The following KATNAL2 variants were observed in gnomAD, a reference collection of about 807,000 sequenced individuals.
KATNAL2 encodes katanin p60 ATPase-containing subunit A-like 2.
KATNAL2 carries 52 observed loss-of-function variants against 76.3 expected under a neutral mutation model. The ratio of observed to expected loss-of-function variants is 0.68; its 90% confidence interval spans 0.55 to 0.86. KATNAL2 has a LOEUF of 0.86. Ranked by LOEUF, KATNAL2 falls within the 40% of genes least tolerant of loss-of-function variation. The pLI, the probability that KATNAL2 is intolerant of heterozygous loss-of-function variation, is 0.00. For synonymous variants in KATNAL2, 243 were observed against 244.2 expected (o/e 1.00, Z 0.05); for missense variants, 660 against 668.9 (o/e 0.99, Z 0.15).
chr18:47,061,314 A>C (rs2061624811), intron 8 of KATNAL2, among the ~76,000 whole-genome samples: 1 of 152,190 alleles, frequency 6.6e-6, no homozygotes, highest in African/African-American at 2.4e-5. Context: ...GCTTTTACTC[A>C]TGGCGGAAGG....
intron 3 of KATNAL2, among the ~76,000 whole-genome samples, chr18:47,031,361 C>G (rs1184412304): frequency 6.6e-6 from 1 of 151,820 alleles, no homozygotes; most frequent in Non-Finnish European, 1.5e-5. Flanking sequence ...TTTCTGCTGT[C>G]GTTGGCAGTT....
chr18:47,079,372 T>C (rs2062399157), intron 15 of KATNAL2, among the ~76,000 whole-genome samples: 1 of 152,102 alleles, frequency 6.6e-6, no homozygotes, highest in Non-Finnish European at 1.5e-5. Context: ...TTAAGTCTCT[T>C]AATCTAGAAC....
chr18:47,059,787 T>C, intron 8 of KATNAL2, 133 bp downstream of exon 8: 5 of 651,022 alleles, frequency 7.7e-6, no homozygotes, highest in Non-Finnish European at 1.3e-5. Flanking sequence ...GTGAGGTAAA[T>C]GGAGAAGAGC....
At chr18:47,089,108 T>A (rs2062894624) in intron 15 of KATNAL2, among the ~76,000 whole-genome samples, 1 of 152,206 alleles carries the variant, frequency 6.6e-6, no homozygotes, top group Non-Finnish European at 1.5e-5. Context: ...TATGCCATTC[T>A]ACATGTTGCC....
At chr18:47,065,162 A>C (rs2061751594) in intron 10 of KATNAL2, among the ~76,000 whole-genome samples, 1 of 152,178 alleles carries the variant, frequency 6.6e-6, no homozygotes, top group Non-Finnish European at 1.5e-5. Flanking sequence ...AAGTACTTTT[A>C]TAAATACTTT....
intron 15 of KATNAL2, among the ~76,000 whole-genome samples, chr18:47,087,928 T>C (rs186521401): frequency 5.9e-5 from 9 of 152,322 alleles, no homozygotes; most frequent in Non-Finnish European, 1.2e-4. Context: ...CCATTGTATG[T>C]GTGTACCATA....
intron 3 of KATNAL2, among the ~76,000 whole-genome samples, chr18:46,955,140 CTCTTTCTTTCTTTCTT>C (rs71162828): frequency 1.8e-4 from 15 of 85,074 alleles, no homozygotes; most frequent in Admixed American, 4.2e-4. Context: ...CTTTCTCTCT[CTCTTTCTTTCTTTCTT>C]TCTTTCTTTC....
At chr18:46,938,021 G>A (rs1383295748) in intron 1 of KATNAL2, among the ~76,000 whole-genome samples, 1 of 151,958 alleles carries the variant, frequency 6.6e-6, no homozygotes, top group Admixed American at 6.6e-5. Context: ...ACTTGAGCCT[G>A]GAAAGTTGAG....
chr18:47,058,555 T>G (rs1180663654), intron 7 of KATNAL2, among the ~76,000 whole-genome samples: 1 of 151,916 alleles, frequency 6.6e-6, no homozygotes, highest in East Asian at 1.9e-4. Flanking sequence ...TTAACTTGAG[T>G]GGGAGGACTT....
chr18:47,083,551 G>A (rs560718818), intron 15 of KATNAL2, among the ~76,000 whole-genome samples: 43 of 152,274 alleles, frequency 2.8e-4, no homozygotes, highest in Non-Finnish European at 5.7e-4. Flanking sequence ...AGTGACAGGT[G>A]TGCAGCCTTT....
chr18:46,948,360 C>T (rs9967390), intron 3 of KATNAL2, among the ~76,000 whole-genome samples: 1 of 151,682 alleles, frequency 6.6e-6, no homozygotes, highest in Non-Finnish European at 1.5e-5. Context: ...AATCTTCCCC[C>T]CTCAGCCTCC....
intron 4 of KATNAL2, among the ~76,000 whole-genome samples, chr18:47,047,730 T>C (rs751956176): frequency 1.3e-5 from 2 of 152,182 alleles, no homozygotes; most frequent in Non-Finnish European, 2.9e-5. Flanking sequence ...CTTTTTTTTT[T>C]TTGTAACAGA....
rs1177431708 is a variant in KATNAL2, at chr18:47,090,946, G to T, written c.1212-8297G>T. 2.6e-5 allele frequency among the ~76,000 whole-genome samples: 4 copies of T among 152,296 alleles called. No homozygotes were observed. The East Asian group carries it at 7.7e-4, about 29-fold the overall frequency. On this transcript the variant is annotated intron_variant, in intron 15 of 17. Coordinates refer to ENST00000683218, the MANE Select transcript of KATNAL2 (RefSeq NM_001387690.1). ...TTAATAAATATTAATTTCCAGAGTT[G>T]TCCTGACCACTCACTTCATGGTGTT...
At chr18:46,918,524 G>A (rs1379351816) in intron 1 of KATNAL2, among the ~76,000 whole-genome samples, 1 of 151,996 alleles carries the variant, frequency 6.6e-6, no homozygotes, top group Non-Finnish European at 1.5e-5. Flanking sequence ...GCACGATCTC[G>A]GCTCACCGCA....
At chr18:47,035,544 A>G in intron 3 of KATNAL2, 1 of 651,434 alleles carries the variant, frequency 1.5e-6, no homozygotes, top group South Asian at 2.0e-5. Flanking sequence ...GCAACAAAGA[A>G]TGAAGCTCTG....
intron 15 of KATNAL2, among the ~76,000 whole-genome samples, chr18:47,083,307 G>C (rs1291089442): frequency 6.6e-6 from 1 of 152,200 alleles, no homozygotes; most frequent in East Asian, 1.9e-4. Context: ...TGAGGGAGTA[G>C]ACTTATCTGA....
intron 1 of KATNAL2, among the ~76,000 whole-genome samples, chr18:46,929,817 C>T (rs748243262): frequency 8.6e-5 from 13 of 152,030 alleles, no homozygotes; most frequent in Admixed American, 2.6e-4. Context: ...TCTTGTCACC[C>T]GGGCTAGAGT....
intron 3 of KATNAL2, among the ~76,000 whole-genome samples, chr18:46,959,242 A>T (rs1316002634): frequency 6.6e-6 from 1 of 152,256 alleles, no homozygotes; most frequent in Admixed American, 6.5e-5. Flanking sequence ...AGCTAAGCTG[A>T]ATTTTAAATA....
chr18:47,083,710 C>T (rs1182513987), intron 15 of KATNAL2, among the ~76,000 whole-genome samples: 1 of 152,174 alleles, frequency 6.6e-6, no homozygotes, highest in Non-Finnish European at 1.5e-5. Flanking sequence ...AATATTACTG[C>T]TTAAAATAAT....
Sources: gnomAD v4.1 joint callset for allele counts (sites outside exome capture counted in the v4.1 genomes callset) on GRCh38, gnomAD v4.1.1 for gene constraint, MANE v1.5 for transcripts, NCBI Gene and HGNC (gene_info 2026-07-23, HGNC 2026-07-21) for gene names.